FN1: variants seen among roughly 807,000 people sequenced by gnomAD.
FN1 encodes the protein fibronectin.
Under a neutral mutation model 297.3 loss-of-function variants are expected in FN1, and 106 were observed. That is an observed-to-expected ratio of 0.36 (90% CI 0.30 to 0.42). FN1 has a LOEUF of 0.42. Among genes scored for constraint, FN1 ranks in the 10% least tolerant of loss-of-function variants. The pLI is 1.00. For missense variants in FN1, 2,690 were observed against 3,124.9 expected (o/e 0.86, Z 3.32); for synonymous variants, 1,149 against 1,152.6 (o/e 1.00, Z 0.06).
At chr2:215,432,049 A>AG in intron 3 of FN1, 85 bp from the exon 4 acceptor site, 1 of 1,549,214 alleles carries the variant, frequency 6.5e-7, no homozygotes, top group Non-Finnish European at 8.9e-7. Context: ...GTAGGTACTT[A>AG]GGTTGGCTAA....
intron 3 of FN1, 50 bp downstream of exon 3, chr2:215,433,274 G>C (rs780412243): frequency 1.9e-6 from 3 of 1,605,526 alleles, no homozygotes; most frequent in South Asian, 2.2e-5. Flanking sequence ...TGGTAACAGA[G>C]AAATTCATAT....
At chr2:215,375,901 T>C (rs1201642757) in intron 36 of FN1, among the ~76,000 whole-genome samples, 183 bp from the exon 37 acceptor site, 1 of 152,124 alleles carries the variant, frequency 6.6e-6, no homozygotes, top group Non-Finnish European at 1.5e-5. Flanking sequence ...AAGAAACATA[T>C]CTCGAAAGTG....
chr2:215,407,143 A>G lies in FN1; in HGVS notation c.2697T>C (p.Thr899=). The change falls in exon 18 of 46, where the codon ACT becomes ACC. Residue 899 remains threonine, a synonymous_variant. Transcript: ENST00000354785. Reference sequence around the variant, plus strand: ...AAAAGTTACCTGAGCGTGGGGTGCCAGTGGTTTCTTGTTGAATGACAACAG... The same window carrying G: ...AAAAGTTACCTGAGCGTGGGGTGCCGGTGGTTTCTTGTTGAATGACAACAG... ...STPVVIQQET[T]GTPRSDTVPS... is the part of the protein sequence containing the mutation. 4.3e-6 allele frequency: 7 copies of G among 1,613,954 alleles called. No individual in the cohort carries two copies. Among genetic ancestry groups the G allele is most frequent in the Non-Finnish European group, 5.9e-6 (7 of 1,179,838 alleles).
chr2:215,421,806 T>G (rs145504454), intron 10 of FN1, among the ~76,000 whole-genome samples: 2 of 152,362 alleles, frequency 1.3e-5, no homozygotes, highest in East Asian at 3.9e-4. Context: ...TAAAGCTGAA[T>G]GGATCAAATG....
chr2:215,427,044 T>G (rs1156457077), intron 6 of FN1, among the ~76,000 whole-genome samples: 1 of 151,806 alleles, frequency 6.6e-6, no homozygotes, highest in Non-Finnish European at 1.5e-5. Flanking sequence ...CCTGGTTAAT[T>G]TTTTGTATTT....
intron 20 of FN1, among the ~76,000 whole-genome samples, chr2:215,400,174 T>C (rs970426643): frequency 6.6e-6 from 1 of 150,912 alleles, no homozygotes; most frequent in Non-Finnish European, 1.5e-5. Flanking sequence ...GGTGACAGAA[T>C]GAGACTCCGT....
chr2:215,395,407 G>A (rs760336736), intron 23 of FN1, among the ~76,000 whole-genome samples: 5 of 151,830 alleles, frequency 3.3e-5, no homozygotes, highest in Admixed American at 2.0e-4. Flanking sequence ...GCTTGGTGGC[G>A]CATGTCTGTA....
intron 28 of FN1, among the ~76,000 whole-genome samples, chr2:215,385,679 T>C (rs552327677): frequency 1.3e-5 from 2 of 152,146 alleles, no homozygotes; most frequent in East Asian, 3.9e-4. Flanking sequence ...ATGCTACTGT[T>C]CCCGTAAGTA....
chr2:215,423,161 TTATG>T (rs765348361), intron 9 of FN1, among the ~76,000 whole-genome samples, 185 bp downstream of exon 9: 42 of 147,416 alleles, frequency 2.8e-4, no homozygotes, highest in Non-Finnish European at 4.0e-4. Flanking sequence ...TTCCCAATCC[TTATG>T]TATATGATGT....
chr2:215,371,571 T>C, intron 40 of FN1, among the ~76,000 whole-genome samples: 1 of 149,596 alleles, frequency 6.7e-6, no homozygotes, highest in East Asian at 2.0e-4. Flanking sequence ...AGCTAGTGAC[T>C]CTCTGGTATG....
At chr2:215,407,570 A>AAT (rs2061929848) in intron 17 of FN1, among the ~76,000 whole-genome samples, 2 of 152,212 alleles carry the variant, frequency 1.3e-5, no homozygotes, top group Admixed American at 6.5e-5. Flanking sequence ...TGACATCCTT[A>AAT]ATAAATGTCA....
Position 215,383,361 on chromosome 2 carries a change from G to A in FN1, c.5017C>T (p.Pro1673Ser). The change falls in exon 31 of 46, where the codon CCA (proline) becomes TCA (serine). Residue 1673 changes from proline to serine, a missense_variant. Coordinates refer to ENST00000354785, the MANE Select transcript of FN1 (RefSeq NM_212482.4). Reference sequence around the variant, plus strand: ...GCAGTTTTAGTTTTTGTTGGTCCTGGTCCATTTTTGGGAGTGGTGGTTACT... The same window carrying A: ...GCAGTTTTAGTTTTTGTTGGTCCTGATCCATTTTTGGGAGTGGTGGTTACT... ...YRVTTTPKNG[P>S]GPTKTKTAGP... 6.2e-7 allele frequency: 1 copy of A among 1,614,080 alleles called. No individual in the cohort carries two copies. The highest frequency in any genetic ancestry group is 8.5e-7 in the Non-Finnish European group (1 of 1,179,992).
chr2:215,364,808 C>G (rs535084622), intron 44 of FN1, 71 bp downstream of exon 44: 1 of 1,012,014 alleles, frequency 9.9e-7, no homozygotes, highest in Admixed American at 2.0e-5. Flanking sequence ...CCTGTGTGTA[C>G]GACACATCCT....
intron 11 of FN1, among the ~76,000 whole-genome samples, 169 bp downstream of exon 11, chr2:215,420,504 G>A (rs936472027): frequency 5.3e-5 from 8 of 151,906 alleles, no homozygotes; most frequent in African/African-American, 9.7e-5. Context: ...TACCAATATC[G>A]AGATATTTTG....
chr2:215,384,929 T>C lies in FN1; in HGVS notation c.4660A>G (p.Ser1554Gly), dbSNP rs1329453451. Residue 1554 changes from serine to glycine, a missense_variant, in exon 29 of 46, where the codon AGC (serine) becomes GGC (glycine). By Grantham distance (56) the Ser-to-Gly change is moderately conservative (BLOSUM62 0). Coordinates refer to ENST00000354785, the MANE Select transcript of FN1 (RefSeq NM_212482.4). ...DLEVVAATPT[S>G]LLISWDAPAV... ...GGAGCATCCCAGCTGATCAGTAGGC[T>C]GGTGGGGGTCGCAGCAACAACTTCC... 2 of 1,614,020 alleles carry C rather than the reference T, an allele frequency of 1.2e-6. No individual in the cohort carries two copies. Among genetic ancestry groups the C allele is most frequent in the Admixed American group, 1.7e-5 (1 of 60,000 alleles).
At chr2:215,435,629 T>C in intron 1 of FN1, 26 bp downstream of exon 1, 1 of 1,613,174 alleles carries the variant, frequency 6.2e-7, no homozygotes. Context: ...TGAGGCAGCC[T>C]GTTTCAGCCC....
intron 26 of FN1, among the ~76,000 whole-genome samples, chr2:215,391,355 G>A (rs904844375): frequency 1.3e-5 from 2 of 152,022 alleles, no homozygotes; most frequent in African/African-American, 4.8e-5. Context: ...TTATTTTTAC[G>A]TGCTTATTTA....
chr2:215,404,754 A>G lies in FN1; in HGVS notation c.2987-99T>C. The G allele has an allele frequency of 1.7e-6, 2 of 1,157,844 alleles. 1 individual carries two copies. Among genetic ancestry groups the G allele is most frequent in the East Asian group, 4.7e-5 (2 of 42,640 alleles). 71.7% of individuals were successfully genotyped at this position (1,157,844 alleles called of 1,614,324 possible). A position where few individuals can be genotyped will look rare whatever the true frequency, so the allele number is the denominator to read the frequency against. On this transcript the variant is annotated intron_variant, in intron 19 of 45. Coordinates refer to ENST00000354785, the MANE Select transcript of FN1 (RefSeq NM_212482.4). ...TTGAATGTCTAAGTTTTCTCTCCTC[A>G]AGGTTGTAACTATGTGAAAGTCAAA... is the stretch of plus-strand genomic sequence containing the variant.
intron 5 of FN1, among the ~76,000 whole-genome samples, chr2:215,428,776 T>C (rs1337617705): frequency 6.6e-6 from 1 of 152,046 alleles, no homozygotes; most frequent in Non-Finnish European, 1.5e-5. Flanking sequence ...CCTAGTACTT[T>C]AGGAGGGTGG....
Sources: gnomAD v4.1 joint callset for allele counts (sites outside exome capture counted in the v4.1 genomes callset) on GRCh38, gnomAD v4.1.1 for gene constraint, MANE v1.5 for transcripts, NCBI Gene and HGNC (gene_info 2026-07-23, HGNC 2026-07-21) for gene names.